The following MSL2 variants were observed in gnomAD, a reference collection of about 807,000 sequenced individuals.
The protein encoded by MSL2 is MSL complex subunit 2.
MSL2 carries 2 observed loss-of-function variants against 35.8 expected under a neutral mutation model. That is an observed-to-expected ratio of 0.06 (90% confidence interval 0.02 to 0.18). The LOEUF (loss-of-function observed/expected upper bound fraction) is 0.18. Ranked by LOEUF, MSL2 falls within the 10% of genes least tolerant of loss-of-function variation. The probability of loss-of-function intolerance (pLI) is 1.00; values close to 1 mark genes in which losing one functional copy is unlikely to be tolerated. For synonymous variants in MSL2, 296 were observed against 255.7 expected (o/e 1.16, Z -1.50); for missense variants, 523 against 706.7 (o/e 0.74, Z 2.95).
chr3:136,176,495 A>G (rs1030371370), intron 1 of MSL2, among the ~76,000 whole-genome samples: 6 of 147,616 alleles, frequency 4.1e-5, no homozygotes, highest in Non-Finnish European at 8.9e-5. Flanking sequence ...AGCCTGGGCA[A>G]CCAGAATGAG....
chr3:136,184,322 T>C (rs140823377), intron 1 of MSL2, among the ~76,000 whole-genome samples: 1,512 of 148,840 alleles, frequency 0.01, 28 homozygotes, highest in African/African-American at 0.034. Context: ...GGTTCTGGGC[T>C]GGGCACAGTA....
chr3:136,177,687 A>T lies in MSL2; in HGVS notation c.142+17285T>A, dbSNP rs917312695. Among the ~76,000 whole-genome samples, 197 of 151,440 alleles carry T rather than the reference A, an allele frequency of 1.3e-3. 3 individuals are homozygous for T. The highest frequency in any genetic ancestry group is 4.2e-3 in the African/African-American group (173 of 41,420). ...GAGCGAGACTCCGTCTCATAAAAAA[A>T]AAAAAAAAAAAAAAAAGATGCTACA... is the stretch of plus-strand genomic sequence containing the variant. On this transcript the variant is annotated intron_variant, in intron 1 of 1. Transcript: ENST00000309993.
chr3:136,173,005 A>G (rs1940069701), intron 1 of MSL2, among the ~76,000 whole-genome samples: 1 of 152,092 alleles, frequency 6.6e-6, no homozygotes, highest in Non-Finnish European at 1.5e-5. Context: ...CTCTACTAAA[A>G]ATACAAAACC....
intron 1 of MSL2, among the ~76,000 whole-genome samples, chr3:136,192,179 T>C (rs1940708395): frequency 6.6e-6 from 1 of 152,220 alleles, no homozygotes; most frequent in African/African-American, 2.4e-5. Context: ...AAGATAACTT[T>C]TTTATTTTTT....
chr3:136,191,999 G>A (rs1163394990), intron 1 of MSL2, among the ~76,000 whole-genome samples: 2 of 152,086 alleles, frequency 1.3e-5, no homozygotes, highest in Non-Finnish European at 2.9e-5. Context: ...TCACCAGGCA[G>A]GAAAGAATGT....
At chr3:136,179,348 A>C (rs895272378) in intron 1 of MSL2, among the ~76,000 whole-genome samples, 12 of 151,734 alleles carry the variant, frequency 7.9e-5, no homozygotes, top group Admixed American at 7.9e-4. Flanking sequence ...CACCATCCTT[A>C]ATGTTTTATT....
intron 1 of MSL2, among the ~76,000 whole-genome samples, chr3:136,175,484 G>A (rs752150465): frequency 1.3e-5 from 2 of 151,902 alleles, no homozygotes; most frequent in African/African-American, 2.4e-5. Flanking sequence ...CCAGGAGTTC[G>A]AGACCAGCCT....
intron 1 of MSL2, among the ~76,000 whole-genome samples, chr3:136,157,678 G>A (rs1394203986): frequency 6.6e-6 from 1 of 152,134 alleles, no homozygotes; most frequent in Non-Finnish European, 1.5e-5. Flanking sequence ...TATCACTAGT[G>A]CCCTACAAAA....
At chr3:136,177,503 T>C (rs193280848) in intron 1 of MSL2, among the ~76,000 whole-genome samples, 41 of 151,358 alleles carry the variant, frequency 2.7e-4, no homozygotes, top group Non-Finnish European at 5.3e-4. Context: ...TGAAAACCCA[T>C]CTCAACTAAA....
chr3:136,175,687 AAAC>A lies in MSL2; in HGVS notation c.142+19282_142+19284del, dbSNP rs369286125. On this transcript the variant is annotated intron_variant, in intron 1 of 1. Coordinates refer to ENST00000309993, the MANE Select transcript of MSL2 (RefSeq NM_018133.4). ...TGCGTGACAGAGGCCCCATCTCAAAAAACAACAACAACAACAAGTCTGAGATAG... is the reference window on the plus strand; with the variant it reads ...TGCGTGACAGAGGCCCCATCTCAAAAAACAACAACAACAAGTCTGAGATAG... Among the ~76,000 whole-genome samples, 256 of 152,248 alleles carry A rather than the reference AAAC, an allele frequency of 1.7e-3. 1 individual carries two copies. The highest frequency in any genetic ancestry group is 5.0e-3 in the African/African-American group (209 of 41,550).
rs762453619 is a variant in MSL2, at chr3:136,151,272, G to C, written c.1609C>G (p.Arg537Gly). The C allele has an allele frequency of 6.2e-7, 1 of 1,614,200 alleles. No homozygotes were observed. Among genetic ancestry groups the C allele is most frequent in the Non-Finnish European group, 8.5e-7 (1 of 1,180,038 alleles). Residue 537 changes from arginine (R) to glycine (G), a missense_variant, in exon 2 of 2, where the codon CGT (arginine) becomes GGT (glycine). Arg to Gly is a moderately radical substitution (Grantham distance 125, BLOSUM62 -2). Transcript: ENST00000309993. The surrounding 1 kb of genome is among the most constrained non-coding windows in gnomAD (Gnocchi z 5.2). ...LGINVTSIAV[R>G]NASTSTSVIN... ...ACACTGGTGCTGGTACTAGCGTTAC[G>C]CACAGCAATGCTAGTCACGTTAATG...
intron 1 of MSL2, among the ~76,000 whole-genome samples, chr3:136,172,529 AT>A (rs1940057419): frequency 6.6e-6 from 1 of 152,140 alleles, no homozygotes; most frequent in Non-Finnish European, 1.5e-5. Flanking sequence ...CTAATCCCAA[AT>A]GTAGTGGGCA....
chr3:136,193,477 C>T lies in MSL2; in HGVS notation c.142+1495G>A, dbSNP rs533339273. ...TTCCCCCTACCTCACCATAGTAGCA[C>T]CCTACGGCCGGCACCAAAGGAAAAG... On this transcript the variant is annotated intron_variant, in intron 1 of 1. Transcript: ENST00000309993. Among the ~76,000 whole-genome samples the T allele has an allele frequency of 3.2e-3, 487 of 151,840 alleles. 5 individuals are homozygous for T. The highest frequency in any genetic ancestry group is 5.6e-3 in the Non-Finnish European group (381 of 67,980).
chr3:136,161,121 T>C (rs1209488832), intron 1 of MSL2, among the ~76,000 whole-genome samples: 2 of 152,088 alleles, frequency 1.3e-5, no homozygotes, highest in African/African-American at 4.8e-5. Context: ...CATAAGCACA[T>C]GAAAATATGC....
intron 1 of MSL2, among the ~76,000 whole-genome samples, chr3:136,157,677 T>C (rs906139299): frequency 6.6e-6 from 1 of 152,252 alleles, no homozygotes; most frequent in East Asian, 1.9e-4. Flanking sequence ...GTATCACTAG[T>C]GCCCTACAAA....
At chr3:136,194,279 A>G (rs1207843417) in intron 1 of MSL2, 3 of 302,258 alleles carry the variant, frequency 9.9e-6, no homozygotes, top group East Asian at 1.7e-4. Flanking sequence ...CTTAAAAATT[A>G]AAGTATCCTA....
intron 1 of MSL2, among the ~76,000 whole-genome samples, chr3:136,156,590 G>A (rs1939530218): frequency 6.6e-6 from 1 of 152,196 alleles, no homozygotes; most frequent in South Asian, 2.1e-4. Context: ...TTCTGGCCGG[G>A]CACAGTGGCT....
intron 1 of MSL2, among the ~76,000 whole-genome samples, chr3:136,179,173 G>A (rs1173753032): frequency 6.6e-6 from 1 of 151,398 alleles, no homozygotes; most frequent in Non-Finnish European, 1.5e-5. Context: ...TTGGTCACAG[G>A]TGTTCACTTT....
rs533871476 is a variant in MSL2, at chr3:136,159,623, G to A, written c.143-6885C>T. ...CTGGCCTCGTGATCCGCCCGCCTCGGCCTCCCAAAGTGCTGCGATTACAGG... is the reference window on the plus strand; with the variant it reads ...CTGGCCTCGTGATCCGCCCGCCTCGACCTCCCAAAGTGCTGCGATTACAGG... On this transcript the variant is annotated intron_variant, in intron 1 of 1. Transcript: ENST00000309993. 7.3e-5 allele frequency among the ~76,000 whole-genome samples: 11 copies of A among 151,632 alleles called. 1 individual carries two copies. The South Asian group carries it at 2.3e-3, about 32-fold the overall frequency.
Sources: allele counts gnomAD v4.1 joint callset (sites outside exome capture counted in the v4.1 genomes callset), GRCh38; gene constraint gnomAD v4.1.1; non-coding constraint Gnocchi (gnomAD v3.1); transcripts MANE v1.5; gene names NCBI Gene and HGNC (gene_info 2026-07-23, HGNC 2026-07-21).